TCF19: variants seen among roughly 807,000 people sequenced by gnomAD.
TCF19 encodes transcription factor SC1.
A neutral mutation model predicts 18.3 loss-of-function variants in TCF19; 9 were observed. The observed-to-expected ratio is 0.49, with a 90% CI of 0.30 to 0.86. The LOEUF (loss-of-function observed/expected upper bound fraction) is 0.86. Ranked by LOEUF, TCF19 falls within the 40% of genes least tolerant of loss-of-function variation. The probability of loss-of-function intolerance (pLI) is 0.07; values close to 1 mark genes in which losing one functional copy is unlikely to be tolerated. For missense variants in TCF19, 376 were observed against 464.3 expected, an observed-to-expected ratio of 0.81 and a Z score of 1.75; for synonymous variants, 176 against 185.3, an observed-to-expected ratio of 0.95 and a Z score of 0.41.
Position 31,164,206 on chromosome 6 carries a change from T to C in TCF19, c.*1489T>C, listed in dbSNP as rs574256688. 6 of 1,202,924 alleles carry C rather than the reference T, an allele frequency of 5.0e-6. No homozygotes were observed. Among genetic ancestry groups the C allele is most frequent in the Admixed American group, 4.2e-5 (1 of 23,676 alleles). The allele number at this position is 1,202,924 out of a possible 1,614,324, so 74.5% of individuals were successfully genotyped here. On this transcript the variant is annotated 3_prime_UTR_variant, in exon 4 of 4. Transcript: ENST00000376257. ...AGGGCCCTGTACAAATAAACTTGGC[T>C]GCAATCCCAGCTCTCCCTCTGATGT...
chr6:31,162,536 T>C lies in TCF19; in HGVS notation c.857T>C (p.Val286Ala), dbSNP rs778872452. Residue 286 changes from valine to alanine, a missense_variant, in exon 4 of 4, where the codon GTT becomes GCT. Physicochemically the swap from Val to Ala is moderately conservative, Grantham distance 64. Transcript: ENST00000376257. This position sits in a 1 kb window ranked among gnomAD's most constrained non-coding sequence, Gnocchi z 4.5. ...AGCGCTCCCATGGCTCCCCCTGCAG[T>C]TGGGGGCGGGGAGCCCTGTGCAGCT... ...PVSAPMAPPA[V>A]GGGEPCAAPC... 3 of 1,612,678 alleles carry C rather than the reference T, an allele frequency of 1.9e-6. No homozygotes were observed. Among genetic ancestry groups the C allele is most frequent in the Non-Finnish European group, 2.5e-6 (3 of 1,179,914 alleles).
Position 31,159,640 on chromosome 6 carries a change from C to T in TCF19, c.171C>T (p.His57=), listed in dbSNP as rs771442282. 1.2e-5 allele frequency: 20 copies of T among 1,613,978 alleles called. No homozygotes were observed. In the South Asian group the frequency reaches 1.6e-4, roughly 13 times the overall value. Residue 57 remains histidine, a synonymous_variant, in exon 2 of 4, where the codon CAC becomes CAT. Coordinates refer to ENST00000376257, the MANE Select transcript of TCF19 (RefSeq NM_007109.3). ...QQEPGLISGI[H]AELHAEPRGD... is the part of the protein sequence containing the mutation. ...AGCCTGGCCTCATCTCTGGGATCCA[C>T]GCCGAACTGCATGCCGAGCCCCGGG...
At position 31,163,971 on chromosome 6, in the gene TCF19, C is replaced by T. The variant is rs1330074944; in HGVS notation, c.*1254C>T. 1 of 987,102 alleles carries T rather than the reference C, an allele frequency of 1.0e-6. No individual in the cohort carries two copies. Among genetic ancestry groups the T allele is most frequent in the Non-Finnish European group, 1.2e-6 (1 of 831,142 alleles). 61.1% of individuals were successfully genotyped at this position (987,102 alleles called of 1,614,324 possible). On this transcript the variant is annotated 3_prime_UTR_variant, in exon 4 of 4. Transcript: ENST00000376257. The stretch of plus-strand genomic sequence containing the variant: ...GTGGAAACCAAATAGACCCTGGTAT[C>T]AAGAAAGCACAAAGTATTAATAGAA...
chr6:31,159,531 T>C lies in TCF19; in HGVS notation c.62T>C (p.Phe21Ser), dbSNP rs1267943448. 2 of 1,605,088 alleles carry C rather than the reference T, an allele frequency of 1.2e-6. No individual in the cohort carries two copies. The highest frequency in any genetic ancestry group is 1.1e-5 in the South Asian group (1 of 89,932). The part of the protein sequence containing the change: ...GGGRGGDLYT[F>S]HPPAGAGCTY... ...GGCAGGGGCGGTGATCTCTACACCT[T>C]CCACCCCCCCGCCGGGGCTGGCTGC... is the stretch of plus-strand genomic sequence containing the variant. The change falls in exon 2 of 4, where the codon TTC becomes TCC. Residue 21 changes from phenylalanine to serine, a missense_variant. Coordinates refer to ENST00000376257, the MANE Select transcript of TCF19 (RefSeq NM_007109.3).
Position 31,159,138 on chromosome 6 carries a change from T to C in TCF19, c.-332T>C, listed in dbSNP as rs1776550386. On this transcript the variant is annotated 5_prime_UTR_variant, in exon 2 of 4. Coordinates refer to ENST00000376257, the MANE Select transcript of TCF19 (RefSeq NM_007109.3). ...GGAGCTGCCTAAAGTATCCTTGCCTTGCAGATTGGAGGCTCCCCAAATATT... is the reference window on the plus strand; with the variant it reads ...GGAGCTGCCTAAAGTATCCTTGCCTCGCAGATTGGAGGCTCCCCAAATATT... The C allele has an allele frequency of 2.7e-6, 1 of 368,290 alleles. No individual in the cohort carries two copies. Among genetic ancestry groups the C allele is most frequent in the Non-Finnish European group, 4.9e-6 (1 of 203,326 alleles). 22.8% of individuals were successfully genotyped at this position (368,290 alleles called of 1,614,324 possible).
chr6:31,162,051 C>G lies in TCF19; in HGVS notation c.797+46C>G. 2 of 1,547,780 alleles carry G rather than the reference C, an allele frequency of 1.3e-6. No homozygotes were observed. The highest frequency in any genetic ancestry group is 1.2e-5 in the South Asian group (1 of 80,800). ...GCCCTCTCAGTGTTTTACTGCTTTTCGATTCCTTGTATCCCTAGGCTGTGA... is the reference window on the plus strand; with the variant it reads ...GCCCTCTCAGTGTTTTACTGCTTTTGGATTCCTTGTATCCCTAGGCTGTGA... On this transcript the variant is annotated intron_variant, in intron 3 of 3. Coordinates refer to ENST00000376257, the MANE Select transcript of TCF19 (RefSeq NM_007109.3). The surrounding 1 kb of genome is among the most constrained non-coding windows in gnomAD (Gnocchi z 4.5).
Position 31,162,930 on chromosome 6 carries a change from T to G in TCF19, c.*213T>G. The G allele has an allele frequency of 5.0e-6, 7 of 1,401,422 alleles. No homozygotes were observed. The highest frequency in any genetic ancestry group is 6.5e-6 in the Non-Finnish European group (7 of 1,082,692). 86.8% of individuals were successfully genotyped at this position (1,401,422 alleles called of 1,614,324 possible). A position where few individuals can be genotyped will look rare whatever the true frequency, so the allele number is the denominator to read the frequency against. ...GTTTCCTGCCAAAGATATTGCCACC[T>G]CCAGGAAATTGCCAGTGAGCTGGAA... On this transcript the variant is annotated 3_prime_UTR_variant, in exon 4 of 4. Transcript: ENST00000376257. This position sits in a 1 kb window ranked among gnomAD's most constrained non-coding sequence, Gnocchi z 4.5.
Position 31,161,463 on chromosome 6 carries a change from T to C in TCF19, c.255T>C (p.Asn85=), listed in dbSNP as rs1303635338. Residue 85 remains asparagine, a synonymous_variant, in exon 3 of 4, where the codon AAT becomes AAC. Coordinates refer to ENST00000376257, the MANE Select transcript of TCF19 (RefSeq NM_007109.3). ...CATCAACAGGTACTTTGGTCAATAATGTCCGACTCCCAAGAGGTCACAGGC... is the reference window on the plus strand; with the variant it reads ...CATCAACAGGTACTTTGGTCAATAACGTCCGACTCCCAAGAGGTCACAGGC... The part of the protein sequence containing the change: ...DHSSQGTLVN[N]VRLPRGHRLE... The C allele has an allele frequency of 1.4e-6, 2 of 1,418,832 alleles. No homozygotes were observed. Among genetic ancestry groups the C allele is most frequent in the African/African-American group, 1.5e-5 (1 of 68,272 alleles). 87.9% of individuals were successfully genotyped at this position (1,418,832 alleles called of 1,614,324 possible).
At position 31,162,771 on chromosome 6, in the gene TCF19, C is replaced by T. The variant is rs1461851724; in HGVS notation, c.*54C>T. 1.1e-5 allele frequency: 17 copies of T among 1,587,674 alleles called. No individual in the cohort carries two copies. The South Asian group carries it at 1.1e-4, about 11-fold the overall frequency. The stretch of plus-strand genomic sequence containing the variant: ...ACCTGCCCATGAGTAGACACAGCAG[C>T]GAGCAAATAGGTCTGATAAATACCC... On this transcript the variant is annotated 3_prime_UTR_variant, in exon 4 of 4. Transcript: ENST00000376257. The surrounding 1 kb of genome is among the most constrained non-coding windows in gnomAD (Gnocchi z 4.5).
chr6:31,159,561 A>G lies in TCF19; in HGVS notation c.92A>G (p.Tyr31Cys). 1 of 1,611,252 alleles carries G rather than the reference A, an allele frequency of 6.2e-7. No individual in the cohort carries two copies. The highest frequency in any genetic ancestry group is 8.5e-7 in the Non-Finnish European group (1 of 1,179,474). Residue 31 changes from tyrosine to cysteine, a missense_variant, in exon 2 of 4, where the codon TAT becomes TGT. Coordinates refer to ENST00000376257, the MANE Select transcript of TCF19 (RefSeq NM_007109.3). ...CCCCCCGCCGGGGCTGGCTGCACCT[A>G]TCGCTTGGGCCACAGGGCCGACCTG... ...FHPPAGAGCT[Y>C]RLGHRADLCD...
At chr6:31,161,309 T>C in intron 2 of TCF19, 138 bp from the exon 3 acceptor site, 2 of 634,298 alleles carry the variant, frequency 3.2e-6, no homozygotes, top group Non-Finnish European at 4.8e-6. Context: ...TGTCACCTGC[T>C]GAGGGGCTTA....
rs1194961615 is a variant in TCF19, at chr6:31,159,464, C to T, written c.-6C>T. 3 of 1,556,128 alleles carry T rather than the reference C, an allele frequency of 1.9e-6. No individual in the cohort carries two copies. Among genetic ancestry groups the T allele is most frequent in the Admixed American group, 1.9e-5 (1 of 52,116 alleles). ...TGGAAGAGGTGGTGCAGAGGGGGCA[C>T]CGCCCATGCTGCCCTGCTTCCAACT... is the stretch of plus-strand genomic sequence containing the variant. On this transcript the variant is annotated 5_prime_UTR_variant, in exon 2 of 4. Transcript: ENST00000376257.
Position 31,163,530 on chromosome 6 carries a change from GTAC to G in TCF19, c.*815_*817del. 1.0e-6 allele frequency: 1 copy of G among 985,454 alleles called. No individual in the cohort carries two copies. The allele number at this position is 985,454 out of a possible 1,614,324, so 61.0% of individuals were successfully genotyped here. ...GAAGATTTATTTACAGGCTTCACCTGTACTGTCAGGGCAAGAGAAAGCCTGGTA... is the reference window on the plus strand; with the variant it reads ...GAAGATTTATTTACAGGCTTCACCTGTGTCAGGGCAAGAGAAAGCCTGGTA... On this transcript the variant is annotated 3_prime_UTR_variant, in exon 4 of 4. Coordinates refer to ENST00000376257, the MANE Select transcript of TCF19 (RefSeq NM_007109.3).
Position 31,159,163 on chromosome 6 carries a change from T to G in TCF19, c.-307T>G. 1 of 410,184 alleles carries G rather than the reference T, an allele frequency of 2.4e-6. No homozygotes were observed. Among genetic ancestry groups the G allele is most frequent in the Non-Finnish European group, 4.4e-6 (1 of 229,364 alleles). 25.4% of individuals were successfully genotyped at this position (410,184 alleles called of 1,614,324 possible). On this transcript the variant is annotated 5_prime_UTR_variant, in exon 2 of 4. It adds an upstream start codon to the 5' untranslated region. Coordinates refer to ENST00000376257, the MANE Select transcript of TCF19 (RefSeq NM_007109.3). ...TGCAGATTGGAGGCTCCCCAAATAT[T>G]TTGCGATCTGAGGATCCAGCTCAAG...
chr6:31,159,157 A>C lies in TCF19; in HGVS notation c.-313A>C. On this transcript the variant is annotated 5_prime_UTR_variant, in exon 2 of 4. Transcript: ENST00000376257. ...TTGCCTTGCAGATTGGAGGCTCCCC[A>C]AATATTTTGCGATCTGAGGATCCAG... 1.0e-5 allele frequency: 4 copies of C among 398,530 alleles called. No individual in the cohort carries two copies. Among genetic ancestry groups the C allele is most frequent in the East Asian group, 8.2e-5 (2 of 24,362 alleles). The allele number at this position is 398,530 out of a possible 1,614,324, so 24.7% of individuals were successfully genotyped here.
chr6:31,163,370 A>C lies in TCF19; in HGVS notation c.*653A>C, dbSNP rs1225644423. 2.0e-6 allele frequency: 2 copies of C among 985,696 alleles called. No homozygotes were observed. The highest frequency in any genetic ancestry group is 2.4e-6 in the Non-Finnish European group (2 of 830,222). The allele number at this position is 985,696 out of a possible 1,614,324, so 61.1% of individuals were successfully genotyped here. A position where few individuals can be genotyped will look rare whatever the true frequency, so the allele number is the denominator to read the frequency against. ...GAGAGATGGAAATACAAACCTGCTTACTGGAAAGGTGCAAATATATGGGTT... is the reference window on the plus strand; with the variant it reads ...GAGAGATGGAAATACAAACCTGCTTCCTGGAAAGGTGCAAATATATGGGTT... On this transcript the variant is annotated 3_prime_UTR_variant, in exon 4 of 4. Coordinates refer to ENST00000376257, the MANE Select transcript of TCF19 (RefSeq NM_007109.3).
Position 31,162,562 on chromosome 6 carries a change from C to A in TCF19, c.883C>A (p.Pro295Thr). Residue 295 changes from proline to threonine, a missense_variant, in exon 4 of 4, where the codon CCT (proline) becomes ACT (threonine). Transcript: ENST00000376257. The surrounding 1 kb of genome is among the most constrained non-coding windows in gnomAD (Gnocchi z 4.5). Reference protein sequence around the residue: ...AVGGGEPCAAPCCCLPQEETV... With the variant: ...AVGGGEPCAATCCCLPQEETV... ...TGGGGGCGGGGAGCCCTGTGCAGCT[C>A]CTTGTTGCTGCCTGCCCCAGGAAGA... 4 of 1,612,964 alleles carry A rather than the reference C, an allele frequency of 2.5e-6. No homozygotes were observed. The South Asian group carries it at 3.3e-5, about 13-fold the overall frequency.
rs554304388 is a variant in TCF19 at position 31,163,210 on chromosome 6, T to A, written c.*493T>A. 8.4e-5 allele frequency: 84 copies of A among 995,686 alleles called. 1 individual carries two copies. In the South Asian group the frequency reaches 3.5e-3, roughly 41 times the overall value. 61.7% of individuals were successfully genotyped at this position (995,686 alleles called of 1,614,324 possible). A position where few individuals can be genotyped will look rare whatever the true frequency, so the allele number is the denominator to read the frequency against. On this transcript the variant is annotated 3_prime_UTR_variant, in exon 4 of 4. Transcript: ENST00000376257. ...TGGCTTTTCACAGCTTTGCTTTTAT[T>A]TCCAAGTCAAGGACAAGCCGCTTCA...
In TCF19 at chr6:31,162,427, C is replaced by A; in HGVS notation, c.798-50C>A. 6.4e-7 allele frequency: 1 copy of A among 1,563,870 alleles called. No individual in the cohort carries two copies. On this transcript the variant is annotated intron_variant, in intron 3 of 3. Transcript: ENST00000376257. This position sits in a 1 kb window ranked among gnomAD's most constrained non-coding sequence, Gnocchi z 4.5. ...AGCCATAGGGTGGCAAGGTCTAGGCCTTCTCCTACAGGTTTCCGGTGACCC... is the reference window on the plus strand; with the variant it reads ...AGCCATAGGGTGGCAAGGTCTAGGCATTCTCCTACAGGTTTCCGGTGACCC...
Sources: gnomAD v4.1 joint callset for allele counts on GRCh38, gnomAD v4.1.1 for gene constraint, Gnocchi (gnomAD v3.1) non-coding constraint, MANE v1.5 for transcripts, NCBI Gene and HGNC (gene_info 2026-07-23, HGNC 2026-07-21) for gene names.